Variants in TRPM6 observed in about 807,000 individuals in gnomAD.
TRPM6 encodes the protein channel kinase 2.
TRPM6 carries 111 observed loss-of-function variants against 247.6 expected under a neutral mutation model. That is an observed-to-expected ratio of 0.45 (90% CI 0.38 to 0.52). The LOEUF (loss-of-function observed/expected upper bound fraction) is 0.52. Ranked by LOEUF, TRPM6 falls within the 20% of genes least tolerant of loss-of-function variation. The pLI, the probability that TRPM6 is intolerant of heterozygous loss-of-function variation, is 0.00. For missense variants in TRPM6, 2,126 were observed against 2,421.5 expected (o/e 0.88, Z 2.56); for synonymous variants, 892 against 853.8 (o/e 1.04, Z -0.78).
At chr9:74,841,172 T>C (rs116698877) in intron 4 of TRPM6, among the ~76,000 whole-genome samples, 171 of 152,360 alleles carry the variant, frequency 1.1e-3, no homozygotes, top group African/African-American at 4.0e-3. Flanking sequence ...ATCGTCAATG[T>C]AAGCAAAAGA....
intron 28 of TRPM6, among the ~76,000 whole-genome samples, chr9:74,752,578 A>T (rs1826287546): frequency 1.3e-5 from 2 of 152,160 alleles, no homozygotes; most frequent in African/African-American, 4.8e-5. Flanking sequence ...ATTCTTCTAT[A>T]GTTACTTTCA....
chr9:74,821,865 C>T (rs769130452), intron 7 of TRPM6, 28 bp from the exon 8 acceptor site: 1 of 1,613,808 alleles, frequency 6.2e-7, no homozygotes, highest in Non-Finnish European at 8.5e-7. Context: ...CAATACCACA[C>T]TGTTAGAGAA....
intron 1 of TRPM6, among the ~76,000 whole-genome samples, chr9:74,883,876 G>A (rs1433347438): frequency 8.5e-5 from 13 of 152,162 alleles, no homozygotes; most frequent in Admixed American, 3.3e-4. Context: ...TAGATCGGGT[G>A]CAGTGGCTCA....
intron 6 of TRPM6, among the ~76,000 whole-genome samples, chr9:74,829,325 C>T (rs547325769): frequency 7.2e-4 from 110 of 152,186 alleles, no homozygotes; most frequent in African/African-American, 2.6e-3. Context: ...AGTGGAACAG[C>T]CAACCAGCCA....
In TRPM6 at chr9:74,794,545, C is replaced by A. The variant is rs73650080; in HGVS notation, c.2392-1775G>T. On this transcript the variant is annotated intron_variant, in intron 18 of 38. Transcript: ENST00000360774. ...ATGGTGTAAAACCAATTAGAAAAGTCATCATTTATGAGCTTTTAATGACAT... is the reference window on the plus strand; with the variant it reads ...ATGGTGTAAAACCAATTAGAAAAGTAATCATTTATGAGCTTTTAATGACAT... Among the ~76,000 whole-genome samples the A allele has an allele frequency of 7.9e-3, 1,203 of 152,258 alleles. 16 individuals are homozygous for A. The highest frequency in any genetic ancestry group is 0.027 in the African/African-American group (1,104 of 41,544).
At chr9:74,844,151 G>T (rs933765303) in intron 3 of TRPM6, among the ~76,000 whole-genome samples, 1 of 152,164 alleles carries the variant, frequency 6.6e-6, no homozygotes, top group African/African-American at 2.4e-5. Context: ...TAAAATTTTG[G>T]CATGGTAAAT....
intron 24 of TRPM6, among the ~76,000 whole-genome samples, chr9:74,773,046 G>A (rs1280878120): frequency 6.6e-6 from 1 of 152,078 alleles, no homozygotes; most frequent in Non-Finnish European, 1.5e-5. Flanking sequence ...AGAAACATTT[G>A]AACCCAGGAG....
chr9:74,729,171 T>C (rs776133546), intron 37 of TRPM6, among the ~76,000 whole-genome samples: 1 of 152,196 alleles, frequency 6.6e-6, no homozygotes, highest in Non-Finnish European at 1.5e-5. Flanking sequence ...TGAAAGCTAA[T>C]ATTTTATTTT....
At chr9:74,763,398 A>C (rs936809607) in intron 25 of TRPM6, among the ~76,000 whole-genome samples, 7 of 152,212 alleles carry the variant, frequency 4.6e-5, no homozygotes, top group African/African-American at 1.7e-4. Context: ...TTAATATTTC[A>C]GAACCACATT....
chr9:74,817,584 C>T (rs1320988484), intron 9 of TRPM6, among the ~76,000 whole-genome samples: 1 of 152,192 alleles, frequency 6.6e-6, no homozygotes, highest in Non-Finnish European at 1.5e-5. Context: ...CCCTGGGCAA[C>T]ACAGACGGTC....
In TRPM6 at chr9:74,750,709, T is replaced by G. The variant is rs1826215594; in HGVS notation, c.5012A>C (p.Asn1671Thr). Residue 1671 changes from asparagine (N) to threonine (T), a missense_variant, in exon 30 of 39, where the codon AAC becomes ACC. Asn to Thr is a moderately conservative substitution (Grantham distance 65, BLOSUM62 0). This residue lies in a region of TRPM6 where 717 missense variants were observed against 715.9 expected (regional missense o/e 1.00). Transcript: ENST00000360774. Reference sequence around the variant, plus strand: ...GGTGCTCCTGGAATTCCACAAAGAGTTTTTGCTGAGATCCTGAGCAGAAGG... The same window carrying G: ...GGTGCTCCTGGAATTCCACAAAGAGGTTTTGCTGAGATCCTGAGCAGAAGG... ...LKQSQEDLSK[N>T]SLWNSRSTNL... 1 of 1,613,528 alleles carries G rather than the reference T, an allele frequency of 6.2e-7. No homozygotes were observed. The highest frequency in any genetic ancestry group is 1.1e-5 in the South Asian group (1 of 91,064).
intron 1 of TRPM6, among the ~76,000 whole-genome samples, chr9:74,883,904 C>T (rs777462004): frequency 6.6e-6 from 1 of 152,088 alleles, no homozygotes; most frequent in Non-Finnish European, 1.5e-5. Flanking sequence ...AATCCCAGCA[C>T]TTTGGAAGGC....
At chr9:74,845,938 G>A (rs568369411) in intron 3 of TRPM6, among the ~76,000 whole-genome samples, 1 of 151,884 alleles carries the variant, frequency 6.6e-6, no homozygotes, top group East Asian at 1.9e-4. Flanking sequence ...ATTTAGATGA[G>A]TAATAAGAGC....
Position 74,792,899 on chromosome 9 carries a change from G to C in TRPM6, c.2392-129C>G, listed in dbSNP as rs144773862. Reference sequence around the variant, plus strand: ...TGGCTGGGGGCGGTGGCTCACACCTGTAATCCCAGCACTTTGGGAGGCCAA... The same window carrying C: ...TGGCTGGGGGCGGTGGCTCACACCTCTAATCCCAGCACTTTGGGAGGCCAA... On this transcript the variant is annotated intron_variant, in intron 18 of 38. Coordinates refer to ENST00000360774, the MANE Select transcript of TRPM6 (RefSeq NM_017662.5). 1.2e-3 allele frequency: 1,090 copies of C among 894,238 alleles called. 14 individuals are homozygous for C. The East Asian group carries it at 0.028, about 23-fold the overall frequency. 55.4% of individuals were successfully genotyped at this position (894,238 alleles called of 1,614,324 possible).
chr9:74,786,534 A>G (rs1827676859), intron 20 of TRPM6, among the ~76,000 whole-genome samples: 1 of 149,690 alleles, frequency 6.7e-6, no homozygotes, highest in Non-Finnish European at 1.5e-5. Context: ...AGGTCAGGAG[A>G]TCGAGATCAT....
intron 1 of TRPM6, among the ~76,000 whole-genome samples, chr9:74,864,855 T>C (rs1321804151): frequency 6.6e-6 from 1 of 152,108 alleles, no homozygotes; most frequent in Non-Finnish European, 1.5e-5. Context: ...GTGGATCACC[T>C]GAGGTCAGGA....
intron 3 of TRPM6, among the ~76,000 whole-genome samples, chr9:74,843,351 C>T (rs1390992836): frequency 6.6e-6 from 1 of 152,110 alleles, no homozygotes; most frequent in Non-Finnish European, 1.5e-5. Flanking sequence ...CTAAAACTCT[C>T]ATTAATGTTG....
intron 1 of TRPM6, among the ~76,000 whole-genome samples, chr9:74,886,109 C>T (rs1831520491): frequency 6.6e-6 from 1 of 152,170 alleles, no homozygotes; most frequent in East Asian, 1.9e-4. Context: ...GATTCTTTCC[C>T]TTCACCTCTG....
chr9:74,866,550 C>G (rs533890107), intron 1 of TRPM6, among the ~76,000 whole-genome samples: 1 of 152,028 alleles, frequency 6.6e-6, no homozygotes, highest in African/African-American at 2.4e-5. Flanking sequence ...GGCGTGATCT[C>G]GGCTCACTGC....
Sources: gnomAD v4.1 joint callset for allele counts (sites outside exome capture counted in the v4.1 genomes callset) on GRCh38, gnomAD v4.1.1 for gene constraint, gnomAD v4.1.1 regional missense constraint, MANE v1.5 for transcripts, NCBI Gene and HGNC (gene_info 2026-07-23, HGNC 2026-07-21) for gene names.